The following UBE2F variants were observed in gnomAD, a reference collection of about 807,000 sequenced individuals.
The protein encoded by UBE2F is ubiquitin conjugating enzyme E2 F (putative).
UBE2F carries 5 observed loss-of-function variants against 29.6 expected under a neutral mutation model. That is an observed-to-expected ratio of 0.17 (90% CI 0.09 to 0.36). The LOEUF is 0.36. UBE2F is among the 10% of genes least tolerant of loss of function. The pLI, the probability that UBE2F is intolerant of heterozygous loss-of-function variation, is 1.00. For missense variants in UBE2F, 141 were observed against 228.5 expected (o/e 0.62, Z 2.47); for synonymous variants, 66 against 81.8 (o/e 0.81, Z 1.04).
At chr2:237,990,435 CTT>C (rs760528950) in intron 3 of UBE2F, 2 of 443,252 alleles carry the variant, frequency 4.5e-6, no homozygotes, top group South Asian at 3.2e-5. Context: ...CAGGGTCTCT[CTT>C]TGTTGCCCAA....
chr2:238,030,265 A>G (rs2106405052), intron 6 of UBE2F, among the ~76,000 whole-genome samples: 1 of 152,286 alleles, frequency 6.6e-6, no homozygotes, highest in South Asian at 2.1e-4. Flanking sequence ...TTAAATTGAC[A>G]AATGTTCTTT....
chr2:238,029,447 G>C (rs1475983765), intron 6 of UBE2F, among the ~76,000 whole-genome samples: 1 of 152,054 alleles, frequency 6.6e-6, no homozygotes, highest in Non-Finnish European at 1.5e-5. Flanking sequence ...AACAAAATTA[G>C]CCGGGCGTAG....
At chr2:237,995,437 A>T (rs1394807369) in intron 4 of UBE2F, among the ~76,000 whole-genome samples, 1 of 152,220 alleles carries the variant, frequency 6.6e-6, no homozygotes, top group African/African-American at 2.4e-5. Context: ...AGAGCTGCAG[A>T]TTCCCACACT....
intron 4 of UBE2F, among the ~76,000 whole-genome samples, chr2:237,995,310 A>G (rs2063668813): frequency 1.3e-5 from 2 of 152,264 alleles, no homozygotes; most frequent in Non-Finnish European, 2.9e-5. Context: ...AGCTGTCCTC[A>G]GTAAGACGGA....
chr2:237,993,457 A>G (rs1384313443), intron 3 of UBE2F, among the ~76,000 whole-genome samples: 2 of 152,212 alleles, frequency 1.3e-5, no homozygotes, highest in African/African-American at 4.8e-5. Flanking sequence ...CCATGCCTGT[A>G]ATCCTAGCAC....
At chr2:237,977,082 G>A (rs1021547501) in intron 2 of UBE2F, among the ~76,000 whole-genome samples, 51 of 152,104 alleles carry the variant, frequency 3.4e-4, no homozygotes, top group South Asian at 4.1e-4. Flanking sequence ...GCTCTCTGCC[G>A]GCTCCAGGGC....
In UBE2F at chr2:238,042,423, G is replaced by A. The variant is rs759312331; in HGVS notation, c.*1085G>A. 6.6e-6 allele frequency: 1 copy of A among 152,242 alleles called. No individual in the cohort carries two copies. The highest frequency in any genetic ancestry group is 2.4e-5 in the African/African-American group (1 of 41,446). 9.4% of individuals were successfully genotyped at this position (152,242 alleles called of 1,614,324 possible). A position where few individuals can be genotyped will look rare whatever the true frequency, so the allele number is the denominator to read the frequency against. On this transcript the variant is annotated 3_prime_UTR_variant, in exon 10 of 10. Transcript: ENST00000272930. ...CTATGGCTCCAGGCCCTGCCGGTGGGGTGAGCCTCCTAGGCCTTGGAGGAC... is the reference window on the plus strand; with the variant it reads ...CTATGGCTCCAGGCCCTGCCGGTGGAGTGAGCCTCCTAGGCCTTGGAGGAC...
chr2:237,972,693 G>A (rs951844497), intron 1 of UBE2F, among the ~76,000 whole-genome samples: 1 of 151,488 alleles, frequency 6.6e-6, no homozygotes, highest in Non-Finnish European at 1.5e-5. Flanking sequence ...TGAGACTACA[G>A]GCACACACCA....
chr2:238,021,800 G>A (rs918823955), intron 5 of UBE2F, among the ~76,000 whole-genome samples: 12 of 152,182 alleles, frequency 7.9e-5, no homozygotes, highest in African/African-American at 2.9e-4. Flanking sequence ...CTTTGACCAT[G>A]TGAAAACAGT....
chr2:238,026,114 G>A (rs2064421616), intron 6 of UBE2F, among the ~76,000 whole-genome samples: 2 of 152,194 alleles, frequency 1.3e-5, no homozygotes, highest in South Asian at 4.1e-4. Context: ...CAGGGGCTTT[G>A]ATATCAGACC....
chr2:237,986,029 T>A (rs1251275191), intron 2 of UBE2F: 1 of 208,076 alleles, frequency 4.8e-6, no homozygotes, highest in African/African-American at 2.4e-5. Context: ...CATTTTTAAT[T>A]TTTTTTTGCT....
At chr2:237,974,260 C>A (rs1460428389) in intron 2 of UBE2F, among the ~76,000 whole-genome samples, 1 of 151,678 alleles carries the variant, frequency 6.6e-6, no homozygotes, top group Admixed American at 6.6e-5. Flanking sequence ...CAGGTTCAAG[C>A]AATTCTCCTG....
intron 1 of UBE2F, 107 bp from the exon 2 acceptor site, chr2:237,972,985 A>C: frequency 7.6e-7 from 1 of 1,313,962 alleles, no homozygotes; most frequent in East Asian, 2.4e-5. Flanking sequence ...TCCATAACTA[A>C]ATTGTGGGAA....
In UBE2F at chr2:238,020,137, A is replaced by G. The variant is rs2064259107; in HGVS notation, c.282+3504A>G. On this transcript the variant is annotated intron_variant, in intron 5 of 9. Transcript: ENST00000272930. ...GCATTTGCCATATTTATAATGAATCATTGCTTACAGACTCTCCTGAGCATC... is the reference window on the plus strand; with the variant it reads ...GCATTTGCCATATTTATAATGAATCGTTGCTTACAGACTCTCCTGAGCATC... 2.6e-5 allele frequency among the ~76,000 whole-genome samples: 4 copies of G among 152,118 alleles called. No individual in the cohort carries two copies. In the South Asian group the frequency reaches 8.3e-4, roughly 32 times the overall value.
At chr2:238,006,703 G>A (rs2063914092) in intron 4 of UBE2F, among the ~76,000 whole-genome samples, 1 of 151,058 alleles carries the variant, frequency 6.6e-6, no homozygotes, top group Admixed American at 6.6e-5. Flanking sequence ...TTCCAGTACA[G>A]TCATATATAG....
intron 5 of UBE2F, among the ~76,000 whole-genome samples, chr2:238,020,386 A>G (rs1305057685): frequency 6.6e-6 from 1 of 152,138 alleles, no homozygotes; most frequent in African/African-American, 2.4e-5. Flanking sequence ...GTGAGGGCAC[A>G]CTCTGAGGGC....
intron 4 of UBE2F, among the ~76,000 whole-genome samples, chr2:237,998,815 A>G (rs372486456): frequency 6.6e-6 from 1 of 152,130 alleles, no homozygotes; most frequent in East Asian, 1.9e-4. Flanking sequence ...TTGGGTGTGA[A>G]ATGGTATATC....
chr2:237,979,368 G>A (rs2063339821), intron 2 of UBE2F, among the ~76,000 whole-genome samples: 1 of 152,240 alleles, frequency 6.6e-6, no homozygotes. Context: ...TCCAGTCACA[G>A]GTGGGACCCC....
intron 5 of UBE2F, among the ~76,000 whole-genome samples, chr2:238,022,025 A>G (rs2064306317): frequency 6.6e-6 from 1 of 152,226 alleles, no homozygotes; most frequent in African/African-American, 2.4e-5. Flanking sequence ...GCCAGTTGGC[A>G]TCCTCACCAT....
Sources: allele counts gnomAD v4.1 joint callset (sites outside exome capture counted in the v4.1 genomes callset), GRCh38; gene constraint gnomAD v4.1.1; transcripts MANE v1.5; gene names NCBI Gene and HGNC (gene_info 2026-07-23, HGNC 2026-07-21).